The following ABLIM1 variants were observed in gnomAD, a reference collection of about 807,000 sequenced individuals.
ABLIM1 encodes actin binding LIM protein 1, also known as actin-binding LIM protein 1.
In ABLIM1, 40 loss-of-function variants were observed where a neutral mutation model predicts 107.0. That is an observed-to-expected ratio of 0.37 (90% CI 0.29 to 0.49). The LOEUF is 0.49. Among genes scored for constraint, ABLIM1 ranks in the 20% least tolerant of loss-of-function variants. The pLI, the probability that ABLIM1 is intolerant of heterozygous loss-of-function variation, is 0.97. For synonymous variants in ABLIM1, 357 were observed against 357.3 expected, an observed-to-expected ratio of 1.00 and a Z score of 0.01; for missense variants, 857 against 1,008.5, an observed-to-expected ratio of 0.85 and a Z score of 2.04.
chr10:114,601,791 G>A lies in ABLIM1; in HGVS notation c.379+36C>T, dbSNP rs372373037. 5.6e-6 allele frequency: 9 copies of A among 1,613,982 alleles called. No individual in the cohort carries two copies. In the African/African-American group the frequency reaches 9.3e-5, roughly 17 times the overall value. On this transcript the variant is annotated intron_variant, in intron 2 of 22. Coordinates refer to ENST00000533213, the MANE Select transcript of ABLIM1 (RefSeq NM_002313.7). The stretch of plus-strand genomic sequence containing the variant: ...GGACCCAAGGCAAGCCCCGACCATG[G>A]CATGCCACTGAGCCACGAAGCTGGA...
upstream of ABLIM1, among the ~76,000 whole-genome samples, chr10:114,660,704 C>T (rs1159453747): frequency 3.3e-5 from 5 of 152,152 alleles, no homozygotes; most frequent in Non-Finnish European, 5.9e-5. Context: ...AAACTGAGAA[C>T]CTGAGCAGCT....
intron 1 of ABLIM1, among the ~76,000 whole-genome samples, chr10:114,602,184 G>A (rs1215142902): frequency 6.6e-6 from 1 of 152,172 alleles, no homozygotes; most frequent in Admixed American, 6.5e-5. Flanking sequence ...GTTCCTCAAT[G>A]GAGCCTGCTG....
intron 6 of ABLIM1, among the ~76,000 whole-genome samples, chr10:114,539,910 A>G (rs1381904139): frequency 6.6e-6 from 1 of 152,118 alleles, no homozygotes; most frequent in Non-Finnish European, 1.5e-5. Context: ...GGGAGAAGGA[A>G]GCGGGAGAAG....
At chr10:114,544,335 A>G (rs1207775312) in intron 6 of ABLIM1, among the ~76,000 whole-genome samples, 3 of 152,202 alleles carry the variant, frequency 2.0e-5, no homozygotes, top group Admixed American at 2.0e-4. Flanking sequence ...GAAGTAGGGT[A>G]GCGACTCCTT....
At chr10:114,736,344 T>G (rs7092035) in intron 1 of ABLIM1, among the ~76,000 whole-genome samples, 8,466 of 152,260 alleles carry the variant, frequency 0.056, 351 homozygotes, top group African/African-American at 0.12. Flanking sequence ...CTGCCATTCT[T>G]GGTTTGATTA....
At chr10:114,741,460 C>T (rs1258798180) in intron 1 of ABLIM1, among the ~76,000 whole-genome samples, 1 of 151,632 alleles carries the variant, frequency 6.6e-6, no homozygotes, top group African/African-American at 2.4e-5. Flanking sequence ...CTTCTGACCT[C>T]GTGATCCGCC....
intron 1 of ABLIM1, among the ~76,000 whole-genome samples, chr10:114,716,351 T>C (rs1158331055): frequency 2.6e-5 from 4 of 151,470 alleles, no homozygotes; most frequent in African/African-American, 9.7e-5. Flanking sequence ...GTAAGGTAGG[T>C]AGATGCATGA....
chr10:114,612,604 T>C (rs935322176), intron 1 of ABLIM1, among the ~76,000 whole-genome samples: 6 of 152,200 alleles, frequency 3.9e-5, no homozygotes, highest in Non-Finnish European at 5.9e-5. Context: ...CTTCTGAAAT[T>C]TGATTGAACC....
intron 1 of ABLIM1, among the ~76,000 whole-genome samples, chr10:114,705,239 T>C (rs931589299): frequency 2.0e-4 from 30 of 152,182 alleles, no homozygotes; most frequent in African/African-American, 7.2e-4. Flanking sequence ...TACGAAGAAT[T>C]CTGACTTGAC....
the ABLIM1 span, among the ~76,000 whole-genome samples, chr10:114,785,132 C>T: frequency 6.6e-6 from 1 of 152,208 alleles, no homozygotes; most frequent in East Asian, 1.9e-4. Flanking sequence ...AATATTTAAA[C>T]TTCCATCCTA....
At chr10:114,733,517 G>C (rs2082118365) in intron 1 of ABLIM1, among the ~76,000 whole-genome samples, 1 of 152,130 alleles carries the variant, frequency 6.6e-6, no homozygotes, top group South Asian at 2.1e-4. Flanking sequence ...CCTTCTTGTA[G>C]CATGCTGAGC....
chr10:114,580,041 C>T (rs888900715), intron 2 of ABLIM1, among the ~76,000 whole-genome samples: 1 of 151,950 alleles, frequency 6.6e-6, no homozygotes, highest in African/African-American at 2.4e-5. Flanking sequence ...TTAATGTTAA[C>T]TTTTTTATTC....
At chr10:114,450,507 C>T (rs887820729) in intron 14 of ABLIM1, among the ~76,000 whole-genome samples, 1 of 145,682 alleles carries the variant, frequency 6.9e-6, no homozygotes, top group Non-Finnish European at 1.5e-5. Flanking sequence ...GTGATCTCAG[C>T]TCACTGCAAT....
intron 1 of ABLIM1, among the ~76,000 whole-genome samples, chr10:114,635,154 A>AT (rs1302447981): frequency 2.6e-5 from 4 of 152,160 alleles, no homozygotes; most frequent in African/African-American, 9.7e-5. Context: ...CCACGGTTTT[A>AT]TTTGTTGTTT....
chr10:114,611,796 TC>T (rs2076827231), intron 1 of ABLIM1, among the ~76,000 whole-genome samples: 1 of 152,156 alleles, frequency 6.6e-6, no homozygotes, highest in Admixed American at 6.5e-5. Flanking sequence ...TGCCTTTTCC[TC>T]CTCCTCCTAA....
In ABLIM1 at chr10:114,672,007, T is replaced by G. The variant is rs566260557; in HGVS notation, c.64+12283A>C. Reference sequence around the variant, plus strand: ...CCTTCAGAGTAGCTGAGACTACAGATGAGTGCCACCACACCCAGCTAATTT... The same window carrying G: ...CCTTCAGAGTAGCTGAGACTACAGAGGAGTGCCACCACACCCAGCTAATTT... On this transcript the variant is annotated intron_variant, in intron 1 of 23. Coordinates refer to the ABLIM1 transcript ENST00000369256. 1.5e-3 allele frequency among the ~76,000 whole-genome samples: 226 copies of G among 151,878 alleles called. 1 individual carries two copies. The highest frequency in any genetic ancestry group is 5.2e-3 in the African/African-American group (215 of 41,404).
At chr10:114,575,308 A>C (rs1410343830) in intron 3 of ABLIM1, 108 bp downstream of exon 3, 1 of 1,218,228 alleles carries the variant, frequency 8.2e-7, no homozygotes, top group African/African-American at 1.5e-5. Flanking sequence ...TAAGGATAAG[A>C]GTATGTGCTA....
chr10:114,694,303 ACT>A (rs1787359156), intron 1 of ABLIM1, among the ~76,000 whole-genome samples: 1 of 151,856 alleles, frequency 6.6e-6, no homozygotes, highest in South Asian at 2.1e-4. Flanking sequence ...GACTTCCTAG[ACT>A]CTGCAGTCAC....
intron 1 of ABLIM1, among the ~76,000 whole-genome samples, chr10:114,644,002 C>T (rs907557095): frequency 6.6e-6 from 1 of 151,692 alleles, no homozygotes; most frequent in South Asian, 2.1e-4. Context: ...ATGGTTCTGG[C>T]CAGGCACAGT....
Sources: gnomAD v4.1 joint callset for allele counts (sites outside exome capture counted in the v4.1 genomes callset) on GRCh38, gnomAD v4.1.1 for gene constraint, MANE v1.5 for transcripts, NCBI Gene and HGNC (gene_info 2026-07-23, HGNC 2026-07-21) for gene names.